Variants in ERO1A observed in about 807,000 individuals in gnomAD.
The protein encoded by ERO1A is ERO1-like protein alpha.
Under a neutral mutation model 76.9 loss-of-function variants are expected in ERO1A, and 49 were observed. The ratio of observed to expected loss-of-function variants is 0.64; its 90% confidence interval spans 0.51 to 0.81. The LOEUF (loss-of-function observed/expected upper bound fraction) is 0.81, where lower values mean the gene tolerates loss of function less well. ERO1A is among the 30% of genes least tolerant of loss of function. ERO1A has a pLI of 0.00. For synonymous variants in ERO1A, 174 were observed against 181.2 expected (o/e 0.96, Z 0.32); for missense variants, 448 against 542.1 (o/e 0.83, Z 1.72).
chr14:52,668,799 C>T (rs1304904101), intron 6 of ERO1A, among the ~76,000 whole-genome samples: 1 of 147,828 alleles, frequency 6.8e-6, no homozygotes, highest in Non-Finnish European at 1.5e-5. Flanking sequence ...TATAATTATA[C>T]AATTATATTT....
intron 1 of ERO1A, among the ~76,000 whole-genome samples, chr14:52,686,571 G>A (rs1206146935): frequency 2.7e-5 from 3 of 110,872 alleles, no homozygotes; most frequent in East Asian, 2.5e-4. Flanking sequence ...ATAAATGGTA[G>A]ATTGGTAGAT....
At chr14:52,672,468 A>G (rs1402911063) in intron 4 of ERO1A, among the ~76,000 whole-genome samples, 1 of 152,118 alleles carries the variant, frequency 6.6e-6, no homozygotes, top group African/African-American at 2.4e-5. Context: ...ATTATTTTAA[A>G]TGTTTTGACA....
chr14:52,682,374 T>A lies in ERO1A; in HGVS notation c.269A>T (p.Asp90Val). Residue 90 changes from aspartate to valine, a missense_variant, in exon 3 of 16, where the codon GAC (aspartate) becomes GTC (valine). Asp to Val is a radical substitution (Grantham distance 152). Coordinates refer to ENST00000395686, the MANE Select transcript of ERO1A (RefSeq NM_014584.3). Reference sequence around the variant, plus strand: ...GTCCCTTCTTCCACACTGGCTGATGTCATTCCAGAAAGGACACGGCCTCTT... The same window carrying A: ...GTCCCTTCTTCCACACTGGCTGATGACATTCCAGAAAGGACACGGCCTCTT... ...NLKRPCPFWN[D>V]ISQCGRRDCA... The A allele has an allele frequency of 6.2e-7, 1 of 1,612,280 alleles. No homozygotes were observed. Among genetic ancestry groups the A allele is most frequent in the African/African-American group, 1.3e-5 (1 of 75,040 alleles).
rs145849095 is a variant in ERO1A, at chr14:52,644,630, C to G, written c.1347-1000G>C. Among the ~76,000 whole-genome samples, 262 of 151,960 alleles carry G rather than the reference C, an allele frequency of 1.7e-3. 1 individual carries two copies. The highest frequency in any genetic ancestry group is 5.9e-3 in the African/African-American group (245 of 41,450). On this transcript the variant is annotated intron_variant, in intron 15 of 15. Coordinates refer to ENST00000395686, the MANE Select transcript of ERO1A (RefSeq NM_014584.3). ...TACGTAAGTATAAAGTATATAAACA[C>G]AGAAATATCATTTTTAAATGCATAA...
Position 52,666,075 on chromosome 14 carries a change from A to C in ERO1A, c.629+300T>G, listed in dbSNP as rs561451986. 1.1e-4 allele frequency among the ~76,000 whole-genome samples: 17 copies of C among 152,214 alleles called. 1 individual carries two copies. The highest frequency in any genetic ancestry group is 2.1e-4 in the Non-Finnish European group (14 of 68,022). On this transcript the variant is annotated intron_variant, in intron 7 of 15. Transcript: ENST00000395686. ...GCCACTGTGTGATCTTGGGAAATGA[A>C]GCAAACCTCTCCAGCTCTAGGTTAC...
Position 52,678,443 on chromosome 14 carries a change from C to T in ERO1A, c.348G>A (p.Ala116=). Reference sequence around the variant, plus strand: ...AGGTATACGTACACACCTTGTAGCTCGCAGATTTAATTCCATCAGGAACTT... The same window carrying T: ...AGGTATACGTACACACCTTGTAGCTTGCAGATTTAATTCCATCAGGAACTT... ...SDEVPDGIKS[A]SYKYSEEANN... Residue 116 remains alanine (A), a synonymous_variant, in exon 4 of 16, where the codon GCG becomes GCA. Transcript: ENST00000395686. The T allele has an allele frequency of 6.2e-7, 1 of 1,613,056 alleles. No homozygotes were observed. Among genetic ancestry groups the T allele is most frequent in the Non-Finnish European group, 8.5e-7 (1 of 1,179,636 alleles).
chr14:52,653,470 AAT>A (rs1193802873), intron 11 of ERO1A, among the ~76,000 whole-genome samples, 155 bp from the exon 12 acceptor site: 2 of 152,050 alleles, frequency 1.3e-5, no homozygotes, highest in Non-Finnish European at 2.9e-5. Context: ...TTTAGCCTTT[AAT>A]AGTTTTATAT....
At position 52,695,507 on chromosome 14, in the gene ERO1A, A is replaced by T. The variant is rs1319824489; in HGVS notation, c.-26T>A. 6.2e-6 allele frequency: 9 copies of T among 1,457,870 alleles called. No individual in the cohort carries two copies. Among genetic ancestry groups the T allele is most frequent in the Admixed American group, 2.3e-5 (1 of 44,292 alleles). The allele number at this position is 1,457,870 out of a possible 1,614,324, so 90.3% of individuals were successfully genotyped here. A position where few individuals can be genotyped will look rare whatever the true frequency, so the allele number is the denominator to read the frequency against. Reference sequence around the variant, plus strand: ...TGCAGCTCCGGCAGCTTGTCGCCCCACGCTTGGGAGGCCAGTCCGCACGCT... The same window carrying T: ...TGCAGCTCCGGCAGCTTGTCGCCCCTCGCTTGGGAGGCCAGTCCGCACGCT... On this transcript the variant is annotated 5_prime_UTR_variant, in exon 1 of 16. Coordinates refer to ENST00000395686, the MANE Select transcript of ERO1A (RefSeq NM_014584.3).
At chr14:52,684,592 A>G (rs1427040139) in intron 1 of ERO1A, among the ~76,000 whole-genome samples, 1 of 152,138 alleles carries the variant, frequency 6.6e-6, no homozygotes, top group Non-Finnish European at 1.5e-5. Flanking sequence ...TTGGGCTGTA[A>G]CAATTTCTTA....
intron 13 of ERO1A, among the ~76,000 whole-genome samples, chr14:52,648,446 C>A (rs1322920175): frequency 1.3e-5 from 2 of 152,104 alleles, no homozygotes; most frequent in Admixed American, 1.3e-4. Context: ...TTATGAGGAT[C>A]CACAGAATCC....
At position 52,652,432 on chromosome 14, in the gene ERO1A, T is replaced by A. The variant is rs1209792332; in HGVS notation, c.1056-124A>T. 5 of 608,870 alleles carry A rather than the reference T, an allele frequency of 8.2e-6. No individual in the cohort carries two copies. In the Admixed American group the frequency reaches 1.4e-4, roughly 17 times the overall value. 37.7% of individuals were successfully genotyped at this position (608,870 alleles called of 1,614,324 possible). On this transcript the variant is annotated intron_variant, in intron 12 of 15. Transcript: ENST00000395686. ...AAACATAGTAAAACCAACACTCCGA[T>A]GCCCCAAATCAAATTCTTATCCTCA...
chr14:52,656,042 T>G (rs2040032359), intron 11 of ERO1A, among the ~76,000 whole-genome samples: 1 of 152,214 alleles, frequency 6.6e-6, no homozygotes. Flanking sequence ...TACAAATACA[T>G]TATTTTGATC....
At chr14:52,680,204 T>G (rs1566645411) in intron 3 of ERO1A, among the ~76,000 whole-genome samples, 1 of 151,888 alleles carries the variant, frequency 6.6e-6, no homozygotes, top group Non-Finnish European at 1.5e-5. Flanking sequence ...TGCAAATTGA[T>G]AACTTCCACC....
chr14:52,692,619 GT>G (rs2041390013), intron 1 of ERO1A, among the ~76,000 whole-genome samples: 1 of 152,116 alleles, frequency 6.6e-6, no homozygotes, highest in Admixed American at 6.6e-5. Context: ...TTCCTAACTT[GT>G]TTTTTAAGTG....
intron 4 of ERO1A, among the ~76,000 whole-genome samples, chr14:52,673,746 CCT>C (rs2040689225): frequency 5.5e-5 from 1 of 18,166 alleles, no homozygotes; most frequent in Admixed American, 5.1e-4. Context: ...AACAATTACT[CCT>C]TTTTTTTGAG....
intron 1 of ERO1A, among the ~76,000 whole-genome samples, chr14:52,695,057 T>C (rs1278476622): frequency 6.6e-6 from 1 of 152,128 alleles, no homozygotes; most frequent in East Asian, 1.9e-4. Context: ...TGGCAGGGCA[T>C]TATACACTGT....
chr14:52,651,373 T>G (rs1036879442), intron 13 of ERO1A, among the ~76,000 whole-genome samples: 9 of 148,746 alleles, frequency 6.1e-5, no homozygotes, highest in African/African-American at 2.2e-4. Context: ...CAATATCATC[T>G]TCAGAATTCT....
At chr14:52,688,388 T>C (rs564592403) in intron 1 of ERO1A, among the ~76,000 whole-genome samples, 3 of 152,282 alleles carry the variant, frequency 2.0e-5, no homozygotes, top group African/African-American at 4.8e-5. Flanking sequence ...TGCCAGTCAT[T>C]AGTTTTTCAC....
intron 8 of ERO1A, among the ~76,000 whole-genome samples, chr14:52,662,767 C>G (rs2040269568): frequency 6.6e-6 from 1 of 152,084 alleles, no homozygotes; most frequent in Non-Finnish European, 1.5e-5. Flanking sequence ...TAGACAAGAC[C>G]ATTAAATGAA....
Sources: allele counts gnomAD v4.1 joint callset (sites outside exome capture counted in the v4.1 genomes callset), GRCh38; gene constraint gnomAD v4.1.1; transcripts MANE v1.5; gene names NCBI Gene and HGNC (gene_info 2026-07-23, HGNC 2026-07-21).